SRFBP1: variants seen among roughly 807,000 people sequenced by gnomAD.
The protein encoded by SRFBP1 is serum response factor-binding protein 1.
In SRFBP1, 47 loss-of-function variants were observed where a neutral mutation model predicts 45.5. That is an observed-to-expected ratio of 1.03 (90% CI 0.82 to 1.32). The LOEUF (loss-of-function observed/expected upper bound fraction) is 1.32. Ranked by LOEUF, SRFBP1 falls within the 40% of genes most tolerant of loss-of-function variation. SRFBP1 has a pLI of 0.00. For synonymous variants in SRFBP1, 203 were observed against 166.3 expected (o/e 1.22, Z -1.70); for missense variants, 621 against 484.6 (o/e 1.28, Z -2.64).
chr5:122,043,951 C>T (rs571295006), intron 2 of SRFBP1, among the ~76,000 whole-genome samples: 2 of 152,104 alleles, frequency 1.3e-5, no homozygotes, highest in Admixed American at 1.3e-4. Context: ...AGTCTTGTCT[C>T]CCTGGTAATG....
intron 1 of SRFBP1, among the ~76,000 whole-genome samples, chr5:121,965,164 C>T (rs1439692088): frequency 1.3e-5 from 2 of 152,104 alleles, no homozygotes; most frequent in South Asian, 2.1e-4. Context: ...ATGATAGTTG[C>T]TTTTGCTGTG....
rs200418622 is a variant in SRFBP1 at position 122,027,103 on chromosome 5, A to T, written c.1267A>T (p.Lys423Ter). ...QQSNIAVFQG[K>*]KITFDD is the part of the protein sequence containing the mutation. ...ATCTAATATTGCTGTGTTTCAGGGG[A>T]AAAAAATTACGTTTGATGATTGATT... Residue 423 changes from lysine to a stop codon, truncating the protein, a stop_gained, in exon 8 of 8, where the codon AAA becomes TAA. Coordinates refer to ENST00000339397, the MANE Select transcript of SRFBP1 (RefSeq NM_152546.3). LOFTEE classifies it high-confidence loss of function. 1 of 1,601,422 alleles carries T rather than the reference A, an allele frequency of 6.2e-7. No homozygotes were observed. Among genetic ancestry groups the T allele is most frequent in the Non-Finnish European group, 8.5e-7 (1 of 1,175,880 alleles).
At chr5:122,023,781 C>G (rs1753412413) in intron 7 of SRFBP1, among the ~76,000 whole-genome samples, 1 of 152,178 alleles carries the variant, frequency 6.6e-6, no homozygotes, top group Non-Finnish European at 1.5e-5. Context: ...TGATTTCTTT[C>G]ACTATACACC....
At position 122,020,841 on chromosome 5, in the gene SRFBP1, T is replaced by A. The variant is rs565159729; in HGVS notation, c.1067+39T>A. 5.5e-5 allele frequency: 80 copies of A among 1,464,210 alleles called. 1 individual carries two copies. The East Asian group carries it at 1.7e-3, about 31-fold the overall frequency. 90.7% of individuals were successfully genotyped at this position (1,464,210 alleles called of 1,614,324 possible). ...TCTATTCTGAAATAATCATTAGTTC[T>A]TTTTTAAAAAGCTATAAATGTCTAC... On this transcript the variant is annotated intron_variant, in intron 6 of 7. Transcript: ENST00000339397.
chr5:121,962,178 G>T, intron 1 of SRFBP1, 110 bp downstream of exon 1: 2 of 1,382,952 alleles, frequency 1.4e-6, no homozygotes, highest in South Asian at 1.2e-5. Context: ...GAACTTTCGT[G>T]GTGGGCCCAG....
At position 121,994,610 on chromosome 5, in the gene SRFBP1, T is replaced by TTG. The variant is rs746652264; in HGVS notation, c.210_211insTG (p.Asp71TrpfsTer3). 1 of 1,596,670 alleles carries TTG rather than the reference T, an allele frequency of 6.3e-7. No homozygotes were observed. The highest frequency in any genetic ancestry group is 1.8e-5 in the Admixed American group (1 of 56,310). On this transcript the variant is annotated frameshift_variant, in exon 4 of 8. Coordinates refer to ENST00000339397, the MANE Select transcript of SRFBP1 (RefSeq NM_152546.3). LOFTEE classifies it high-confidence loss of function. ...TTATTCTTTCACAGGAATTGAAACC[T>TTG]GACATAGTAACTAAATCTGCTCTTG...
intron 1 of SRFBP1, 127 bp from the exon 2 acceptor site, chr5:121,974,069 C>T (rs930728135): frequency 1.4e-5 from 8 of 589,202 alleles, no homozygotes; most frequent in Non-Finnish European, 2.1e-5. Context: ...CATCAAGCTA[C>T]GAATATAGTT....
intron 1 of SRFBP1, among the ~76,000 whole-genome samples, chr5:121,971,070 C>T (rs1288513864): frequency 1.3e-5 from 2 of 151,478 alleles, no homozygotes; most frequent in Non-Finnish European, 1.5e-5. Flanking sequence ...TTGTAGTAGA[C>T]GTGAGCATGG....
intron 3 of SRFBP1, among the ~76,000 whole-genome samples, chr5:121,978,181 T>C (rs1752343304): frequency 6.6e-6 from 1 of 152,198 alleles, no homozygotes; most frequent in East Asian, 1.9e-4. Context: ...ATTATGTGTT[T>C]TATATTTACT....
intron 2 of SRFBP1, among the ~76,000 whole-genome samples, chr5:122,045,988 G>A (rs1753848916): frequency 6.6e-6 from 1 of 152,054 alleles, no homozygotes; most frequent in South Asian, 2.1e-4. Context: ...GTTGGCTGTG[G>A]GTTTGTCATA....
chr5:121,994,701 T>C, intron 4 of SRFBP1, 31 bp downstream of exon 4: 1 of 1,429,968 alleles, frequency 7.0e-7, no homozygotes, highest in Non-Finnish European at 9.5e-7. Context: ...ATTTGTCTTA[T>C]GAAAAGTTTC....
chr5:122,048,701 T>A (rs1401010324), intron 2 of SRFBP1, among the ~76,000 whole-genome samples: 1 of 152,214 alleles, frequency 6.6e-6, no homozygotes, highest in Non-Finnish European at 1.5e-5. Flanking sequence ...GGTAAGCTAT[T>A]AATTATTGCC....
intron 1 of SRFBP1, among the ~76,000 whole-genome samples, chr5:121,962,424 A>G (rs557215138): frequency 2.3e-4 from 35 of 152,336 alleles, no homozygotes; most frequent in Non-Finnish European, 4.0e-4. Flanking sequence ...CTGACCCTTA[A>G]TAAACTTTCA....
downstream of SRFBP1, among the ~76,000 whole-genome samples, chr5:122,033,221 A>G (rs1291219517): frequency 6.7e-6 from 1 of 149,054 alleles, no homozygotes; most frequent in Non-Finnish European, 1.5e-5. Flanking sequence ...TATATTAGGG[A>G]TAGTAGCCCT....
exon 3 of SRFBP1, chr5:122,075,524 T>C: frequency 6.2e-7 from 1 of 1,610,526 alleles, no homozygotes; most frequent in Non-Finnish European, 8.5e-7. Context: ...ATCTCTGACA[T>C]CTGCCCTGTA....
intron 3 of SRFBP1, among the ~76,000 whole-genome samples, chr5:121,993,833 ATTGTT>A (rs553596979): frequency 3.7e-4 from 56 of 151,792 alleles, no homozygotes; most frequent in Admixed American, 1.2e-3. Context: ...TTATTTATTT[ATTGTT>A]TTAATTCCAG....
At chr5:122,044,557 G>A (rs1475187263) in intron 2 of SRFBP1, among the ~76,000 whole-genome samples, 1 of 151,754 alleles carries the variant, frequency 6.6e-6, no homozygotes, top group Admixed American at 6.6e-5. Flanking sequence ...TCTCACTGGT[G>A]TGAGATGGTA....
intron 4 of SRFBP1, 30 bp downstream of exon 4, chr5:121,994,700 A>G (rs747568686): frequency 7.0e-7 from 1 of 1,431,950 alleles, no homozygotes; most frequent in Non-Finnish European, 9.5e-7. Flanking sequence ...TATTTGTCTT[A>G]TGAAAAGTTT....
intron 2 of SRFBP1, among the ~76,000 whole-genome samples, chr5:122,046,200 C>A (rs978407828): frequency 9.9e-5 from 15 of 152,076 alleles, no homozygotes; most frequent in African/African-American, 3.4e-4. Context: ...CTCCACCCCC[C>A]CTCACCCCAC....
Sources: allele counts gnomAD v4.1 joint callset (sites outside exome capture counted in the v4.1 genomes callset), GRCh38; gene constraint gnomAD v4.1.1; transcripts MANE v1.5; gene names NCBI Gene and HGNC (gene_info 2026-07-23, HGNC 2026-07-21).